Variants in MTARC2 observed in about 807,000 individuals in gnomAD.
MTARC2 encodes the protein mitochondrial amidoxime reducing component 2.
A neutral mutation model predicts 35.6 loss-of-function variants in MTARC2; 27 were observed. The ratio of observed to expected loss-of-function variants is 0.76; its 90% CI spans 0.56 to 1.04. The LOEUF (loss-of-function observed/expected upper bound fraction) is 1.04, where lower values mean the gene tolerates loss of function less well. MTARC2 is among the 50% of genes least tolerant of loss of function. The pLI is 0.00. For missense variants in MTARC2, 412 were observed against 432.5 expected (o/e 0.95, Z 0.42); for synonymous variants, 158 against 167.1 (o/e 0.95, Z 0.42).
At chr1:220,748,891 G>C (rs1671058304) in intron 1 of MTARC2, 88 bp downstream of exon 1, 2 of 1,381,022 alleles carry the variant, frequency 1.4e-6, no homozygotes, top group Admixed American at 6.8e-5. Flanking sequence ...ATCTGGGAAG[G>C]ACTATAGAGG....
intron 4 of MTARC2, among the ~76,000 whole-genome samples, chr1:220,767,226 G>A (rs1013448216): frequency 3.3e-5 from 5 of 152,064 alleles, no homozygotes; most frequent in Admixed American, 3.3e-4. Context: ...GTAGTTAAAG[G>A]CCTAATGCAT....
chr1:220,780,378 T>C (rs1005941453), intron 6 of MTARC2, 139 bp downstream of exon 6: 3 of 666,700 alleles, frequency 4.5e-6, no homozygotes, highest in South Asian at 2.3e-5. Flanking sequence ...TCTGACTGAT[T>C]CGCGTCTATT....
At chr1:220,770,680 C>G (rs1476384047) in intron 4 of MTARC2, 5 of 574,748 alleles carry the variant, frequency 8.7e-6, no homozygotes, top group African/African-American at 8.2e-5. Flanking sequence ...GCCCAGGCTA[C>G]TGCCTTTGGG....
chr1:220,761,146 G>T (rs12041952), intron 2 of MTARC2, among the ~76,000 whole-genome samples: 3 of 152,192 alleles, frequency 2.0e-5, no homozygotes, highest in Admixed American at 2.0e-4. Flanking sequence ...ACCAAGTGAC[G>T]TAGGTAGGTA....
At chr1:220,761,514 A>G (rs337137) in intron 2 of MTARC2, 144 bp from the exon 3 acceptor site, 15,111 of 674,536 alleles carry the variant, frequency 0.022, 667 homozygotes, top group African/African-American at 0.13. Context: ...TTTCTCTTGC[A>G]CTTCTGCCCA....
At position 220,755,048 on chromosome 1, in the gene MTARC2, T is replaced by G. The variant is rs1469762799; in HGVS notation, c.374T>G (p.Phe125Cys). 4 of 1,613,240 alleles carry G rather than the reference T, an allele frequency of 2.5e-6. No individual in the cohort carries two copies. Among genetic ancestry groups the G allele is most frequent in the Non-Finnish European group, 2.5e-6 (3 of 1,179,638 alleles). ...ATTTATGAGAATAACTGCCTGATCT[T>G]CAGGGCTCCAGACATGGACCAGCTG... is the stretch of plus-strand genomic sequence containing the variant. ...SIIYENNCLI[F>C]RAPDMDQLVL... Residue 125 changes from phenylalanine to cysteine, a missense_variant, in exon 2 of 8, where the codon TTC becomes TGC. Phe to Cys is a radical substitution (Grantham distance 205, BLOSUM62 -2). Coordinates refer to ENST00000366913, the MANE Select transcript of MTARC2 (RefSeq NM_017898.5).
At chr1:220,758,518 C>T (rs1376068403) in intron 2 of MTARC2, among the ~76,000 whole-genome samples, 3 of 151,712 alleles carry the variant, frequency 2.0e-5, no homozygotes, top group Non-Finnish European at 2.9e-5. Context: ...CTCCCAGGCT[C>T]AAGTGATTCT....
At chr1:220,757,038 G>A (rs1448334791) in intron 2 of MTARC2, among the ~76,000 whole-genome samples, 2 of 152,360 alleles carry the variant, frequency 1.3e-5, no homozygotes, top group African/African-American at 4.8e-5. Flanking sequence ...GAGTAGCTGG[G>A]ATTAGAGGCA....
intron 1 of MTARC2, 32 bp downstream of exon 1, chr1:220,748,835 G>C (rs1342866275): frequency 3.3e-6 from 5 of 1,535,920 alleles, no homozygotes. Context: ...GGGCAGCGCG[G>C]AGCCTGCCTG....
At chr1:220,757,451 A>T (rs371544151) in intron 2 of MTARC2, among the ~76,000 whole-genome samples, 1 of 152,244 alleles carries the variant, frequency 6.6e-6, no homozygotes, top group Non-Finnish European at 1.5e-5. Context: ...CTGAAGAAAT[A>T]ACATAGATAG....
At chr1:220,762,837 T>C in intron 3 of MTARC2, 73 bp from the exon 4 acceptor site, 1 of 1,543,618 alleles carries the variant, frequency 6.5e-7, no homozygotes. Flanking sequence ...CTTCTGGACA[T>C]TACTTAGCTT....
At chr1:220,773,871 T>A (rs1572313374) in intron 4 of MTARC2, among the ~76,000 whole-genome samples, 1 of 152,256 alleles carries the variant, frequency 6.6e-6, no homozygotes, top group South Asian at 2.1e-4. Flanking sequence ...TAAATCTTGG[T>A]GAGGAGCCTT....
In MTARC2 at chr1:220,748,515, C is replaced by A. The variant is rs1389449346; in HGVS notation, c.-17C>A. On this transcript the variant is annotated 5_prime_UTR_variant, in exon 1 of 8. Coordinates refer to ENST00000366913, the MANE Select transcript of MTARC2 (RefSeq NM_017898.5). ...TGCCGGGTCTGTGCGCCGGTCCGCGCCCGCCCTCGCTCTGCCATGGGCGCT... is the reference window on the plus strand; with the variant it reads ...TGCCGGGTCTGTGCGCCGGTCCGCGACCGCCCTCGCTCTGCCATGGGCGCT... 7.2e-7 allele frequency: 1 copy of A among 1,383,754 alleles called. No individual in the cohort carries two copies. The highest frequency in any genetic ancestry group is 1.5e-5 in the African/African-American group (1 of 65,558). The allele number at this position is 1,383,754 out of a possible 1,614,324, so 85.7% of individuals were successfully genotyped here.
chr1:220,750,521 A>C lies in MTARC2; in HGVS notation c.272+1718A>C, dbSNP rs114870087. 1.5e-3 allele frequency among the ~76,000 whole-genome samples: 234 copies of C among 152,234 alleles called. 2 individuals are homozygous for C. The highest frequency in any genetic ancestry group is 5.2e-3 in the African/African-American group (216 of 41,534). On this transcript the variant is annotated intron_variant, in intron 1 of 7. Transcript: ENST00000366913. Reference sequence around the variant, plus strand: ...TCCTTTGCCTGTGCTTTTTGCTCCCACTGGCATCCTAAAATAAATACAACT... The same window carrying C: ...TCCTTTGCCTGTGCTTTTTGCTCCCCCTGGCATCCTAAAATAAATACAACT...
At chr1:220,754,875 A>T (rs1671233268) in intron 1 of MTARC2, 72 bp from the exon 2 acceptor site, 3 of 1,390,478 alleles carry the variant, frequency 2.2e-6, no homozygotes, top group African/African-American at 2.9e-5. Context: ...CTGAGGAAGT[A>T]GAAAGCTGGA....
In MTARC2 at chr1:220,781,866, C is replaced by T. The variant is rs777434206; in HGVS notation, c.973C>T (p.Leu325=). The change falls in exon 7 of 8, where the codon CTG becomes TTG. Residue 325 remains leucine, a synonymous_variant. Coordinates refer to ENST00000366913, the MANE Select transcript of MTARC2 (RefSeq NM_017898.5). ...IYYSVEKIGS[L]RVGDPVYRMV ...TTATTCAGTGGAAAAAATTGGAAGC[C>T]TGAGAGTTGGTGACCCTGTGTATCG... 13 of 1,614,118 alleles carry T rather than the reference C, an allele frequency of 8.1e-6. No individual in the cohort carries two copies. The Admixed American group carries it at 2.2e-4, about 27-fold the overall frequency.
At chr1:220,758,837 G>T (rs972499239) in intron 2 of MTARC2, among the ~76,000 whole-genome samples, 1 of 126,222 alleles carries the variant, frequency 7.9e-6, no homozygotes. Flanking sequence ...AAATATGTGT[G>T]TGTGTGTGTG....
intron 3 of MTARC2, among the ~76,000 whole-genome samples, chr1:220,762,291 C>T (rs1671458100): frequency 6.6e-6 from 1 of 152,184 alleles, no homozygotes; most frequent in Admixed American, 6.5e-5. Context: ...CCTACAGCAC[C>T]TGGCAGCTAT....
At position 220,781,816 on chromosome 1, in the gene MTARC2, A is replaced by C. The variant is rs1254281146; in HGVS notation, c.923A>C (p.Lys308Thr). 1 of 1,614,182 alleles carries C rather than the reference A, an allele frequency of 6.2e-7. No individual in the cohort carries two copies. Among genetic ancestry groups the C allele is most frequent in the Non-Finnish European group, 8.5e-7 (1 of 1,180,012 alleles). The change falls in exon 7 of 8, where the codon AAG becomes ACG. Residue 308 changes from lysine (K) to threonine (T), a missense_variant. Coordinates refer to ENST00000366913, the MANE Select transcript of MTARC2 (RefSeq NM_017898.5). ...GATCCTTCTGAGAGGGAATTGTACA[A>C]GTTGTCTCCACTTTTTGGGATCTAT... Reference protein sequence around the residue: ...LCDPSERELYKLSPLFGIYYS... With the variant: ...LCDPSERELYTLSPLFGIYYS...
Sources: allele counts gnomAD v4.1 joint callset (sites outside exome capture counted in the v4.1 genomes callset), GRCh38; gene constraint gnomAD v4.1.1; transcripts MANE v1.5; gene names NCBI Gene and HGNC (gene_info 2026-07-23, HGNC 2026-07-21).